The following RSPH14 variants were observed in gnomAD, a reference collection of about 807,000 sequenced individuals.
The protein encoded by RSPH14 is radial spoke head 14 homolog, also known as rhabdoid tumor deletion region gene 1.
A neutral mutation model predicts 26.7 loss-of-function variants in RSPH14; 20 were observed. The observed-to-expected ratio is 0.75, with a 90% confidence interval of 0.53 to 1.09. The LOEUF (loss-of-function observed/expected upper bound fraction) is 1.09. RSPH14 is among the 50% of genes least tolerant of loss of function. RSPH14 has a pLI of 0.00. For missense variants in RSPH14, 449 were observed against 457.2 expected (o/e 0.98, Z 0.16); for synonymous variants, 177 against 189.3 (o/e 0.93, Z 0.53).
At chr22:23,082,530 TTTTG>T (rs1185521066) in intron 4 of RSPH14, among the ~76,000 whole-genome samples, 3 of 152,060 alleles carry the variant, frequency 2.0e-5, no homozygotes, top group African/African-American at 4.8e-5. Context: ...CGTTGTGTTT[TTTTG>T]TTTATTTTTG....
At chr22:23,173,635 TG>T in the RSPH14 span, among the ~76,000 whole-genome samples, 38,906 of 140,968 alleles carry the variant, frequency 0.28, 5,933 homozygotes, top group African/African-American at 0.35. Flanking sequence ...TTTTGTTTTT[TG>T]TTTTTTTTTT....
intron 4 of RSPH14, chr22:23,096,122 C>T: frequency 3.1e-6 from 5 of 1,611,906 alleles, no homozygotes; most frequent in Admixed American, 1.7e-5. Flanking sequence ...CTGCTTCAGC[C>T]GCTCCAGCGA....
chr22:23,103,769 G>A (rs2069375089), intron 4 of RSPH14, among the ~76,000 whole-genome samples: 1 of 152,194 alleles, frequency 6.6e-6, no homozygotes, highest in African/African-American at 2.4e-5. Flanking sequence ...GACAAACTCA[G>A]TCTAGGGACA....
intron 4 of RSPH14, chr22:23,070,643 C>T (rs1363621472): frequency 6.6e-6 from 1 of 152,254 alleles, no homozygotes; most frequent in African/African-American, 2.4e-5. Flanking sequence ...GGGGCATCCA[C>T]CTTGCCCCCA....
chr22:23,102,895 G>C (rs991668255), intron 4 of RSPH14, among the ~76,000 whole-genome samples: 5 of 152,238 alleles, frequency 3.3e-5, no homozygotes, highest in Admixed American at 2.6e-4. Flanking sequence ...TCAGACAAGT[G>C]TTCCTGCCAC....
chr22:23,114,672 G>T (rs900849374), intron 4 of RSPH14, among the ~76,000 whole-genome samples: 1 of 152,364 alleles, frequency 6.6e-6, no homozygotes. Flanking sequence ...GCCCCCTCAC[G>T]AGGGAAGTAT....
the RSPH14 span, chr22:23,159,086 G>T: frequency 6.3e-7 from 1 of 1,582,866 alleles, no homozygotes. Flanking sequence ...ACAGTGGGAA[G>T]CAGGCAGCTG....
At chr22:23,152,577 C>A in the RSPH14 span, 1 of 1,559,710 alleles carries the variant, frequency 6.4e-7, no homozygotes, top group South Asian at 1.1e-5. Context: ...ACCAGGTTGT[C>A]ATACCTTTGC....
chr22:23,140,184 G>C (rs1448653580), intron 2 of RSPH14, 38 bp downstream of exon 2: 5 of 1,608,380 alleles, frequency 3.1e-6, no homozygotes, highest in Non-Finnish European at 4.2e-6. Context: ...GCCATGCTAG[G>C]ACCCCAGTCA....
rs2070535573 is a variant in RSPH14, at chr22:23,138,952, A to G, written c.200-10T>C. 1.3e-6 allele frequency: 2 copies of G among 1,531,564 alleles called. No individual in the cohort carries two copies. Among genetic ancestry groups the G allele is most frequent in the East Asian group, 4.9e-5 (2 of 40,842 alleles). 94.9% of individuals were successfully genotyped at this position (1,531,564 alleles called of 1,614,324 possible). On this transcript the variant is annotated splice_polypyrimidine_tract_variant and intron_variant, in intron 2 of 6. Coordinates refer to ENST00000216036, the MANE Select transcript of RSPH14 (RefSeq NM_014433.3). Reference sequence around the variant, plus strand: ...AGGTTCTCCATACAGCCTAGAAAAAAAAAAAAAAACAAACAAACCAACCCT... The same window carrying G: ...AGGTTCTCCATACAGCCTAGAAAAAGAAAAAAAAACAAACAAACCAACCCT...
chr22:23,137,091 A>T (rs1193354944), intron 3 of RSPH14, among the ~76,000 whole-genome samples: 3 of 138,968 alleles, frequency 2.2e-5, no homozygotes, highest in Non-Finnish European at 4.8e-5. Context: ...CCGGGGCTGC[A>T]CACAGGATCA....
At chr22:23,113,399 G>C (rs1377201177) in intron 4 of RSPH14, among the ~76,000 whole-genome samples, 1 of 152,200 alleles carries the variant, frequency 6.6e-6, no homozygotes, top group Non-Finnish European at 1.5e-5. Flanking sequence ...ACCACCTTGA[G>C]CTGTCTCGGA....
chr22:23,130,500 G>GAAAGAA (rs2146429559), intron 4 of RSPH14, among the ~76,000 whole-genome samples: 1 of 128,472 alleles, frequency 7.8e-6, no homozygotes, highest in Admixed American at 7.9e-5. Context: ...GAAAGAAAAA[G>GAAAGAA]AAAGAAAGAA....
At chr22:23,064,183 A>AC in intron 4 of RSPH14, 50 bp from the exon 5 acceptor site, 1 of 1,558,840 alleles carries the variant, frequency 6.4e-7, no homozygotes, top group Non-Finnish European at 8.8e-7. Context: ...ACACCCACCC[A>AC]CCCATGCCAG....
Position 23,095,170 on chromosome 22 carries a change from A to G in RSPH14, c.422-31037T>C, listed in dbSNP as rs538862266. ...GGCCAGTCTCTGCTGCTTTGCTTTC[A>G]GAAGAGCTCCCTTTCACTGTCCAGC... On this transcript the variant is annotated intron_variant, in intron 4 of 6. Transcript: ENST00000216036. 367 of 162,728 alleles carry G rather than the reference A, an allele frequency of 2.3e-3. 1 individual carries two copies. Among genetic ancestry groups the G allele is most frequent in the Non-Finnish European group, 2.6e-3 (194 of 75,196 alleles). 10.1% of individuals were successfully genotyped at this position (162,728 alleles called of 1,614,324 possible). A position where few individuals can be genotyped will look rare whatever the true frequency, so the allele number is the denominator to read the frequency against.
rs755763654 is a variant in RSPH14 at position 23,138,922 on chromosome 22, C to T, written c.220G>A (p.Ala74Thr). Residue 74 changes from alanine to threonine, a missense_variant, in exon 3 of 7, where the codon GCT (alanine) becomes ACT (threonine). By Grantham distance (58) the Ala-to-Thr change is moderately conservative. Coordinates refer to ENST00000216036, the MANE Select transcript of RSPH14 (RefSeq NM_014433.3). ...MNIGCMENLK[A>T]LLKDSNSMVR... is the part of the protein sequence containing the mutation. Reference sequence around the variant, plus strand: ...ATACTGTTGCTATCCTTCAGCAAAGCTTTCAGGTTCTCCATACAGCCTAGA... The same window carrying T: ...ATACTGTTGCTATCCTTCAGCAAAGTTTTCAGGTTCTCCATACAGCCTAGA... 5.2e-6 allele frequency: 8 copies of T among 1,540,396 alleles called. No individual in the cohort carries two copies. The highest frequency in any genetic ancestry group is 4.8e-5 in the South Asian group (4 of 83,664).
chr22:23,096,910 G>A (rs904426803), intron 4 of RSPH14, among the ~76,000 whole-genome samples: 5 of 152,366 alleles, frequency 3.3e-5, no homozygotes, highest in Non-Finnish European at 5.9e-5. Flanking sequence ...TGGCATGGGC[G>A]CAGCCCGAGG....
At chr22:23,099,616 T>G (rs886852210) in intron 4 of RSPH14, among the ~76,000 whole-genome samples, 2 of 152,196 alleles carry the variant, frequency 1.3e-5, no homozygotes, top group Non-Finnish European at 2.9e-5. Flanking sequence ...AGCCCTCAAG[T>G]CCACAAGGAC....
rs779052557 is a variant in RSPH14 at position 23,138,804 on chromosome 22, G to T, written c.302+36C>A. On this transcript the variant is annotated intron_variant, in intron 3 of 6. Transcript: ENST00000216036. ...TCCACCCAGGGGAGAAGTGCGGCTC[G>T]CAAGCGTCACACTGGTTTCCAGAAC... 5.4e-5 allele frequency: 82 copies of T among 1,516,242 alleles called. 3 individuals are homozygous for T. The Admixed American group carries it at 1.3e-3, about 24-fold the overall frequency. The allele number at this position is 1,516,242 out of a possible 1,614,324, so 93.9% of individuals were successfully genotyped here.
Sources: gnomAD v4.1 joint callset for allele counts (sites outside exome capture counted in the v4.1 genomes callset) on GRCh38, gnomAD v4.1.1 for gene constraint, MANE v1.5 for transcripts, NCBI Gene and HGNC (gene_info 2026-07-23, HGNC 2026-07-21) for gene names.